The following STAMBPL1 variants were observed in gnomAD, a reference collection of about 807,000 sequenced individuals.
STAMBPL1 encodes AMSH-like protease.
STAMBPL1 carries 44 observed loss-of-function variants against 52.9 expected under a neutral mutation model. The observed-to-expected ratio is 0.83, with a 90% CI of 0.65 to 1.07. The LOEUF (loss-of-function observed/expected upper bound fraction) is 1.07, where lower values mean the gene tolerates loss of function less well. Ranked by LOEUF, STAMBPL1 falls within the 50% of genes least tolerant of loss-of-function variation. The pLI is 0.00. For synonymous variants in STAMBPL1, 164 were observed against 177.3 expected (o/e 0.92, Z 0.60); for missense variants, 511 against 520.8 (o/e 0.98, Z 0.18).
chr10:88,912,946 G>GTTA, intron 5 of STAMBPL1, 155 bp from the exon 6 acceptor site: 1 of 699,872 alleles, frequency 1.4e-6, no homozygotes, highest in Non-Finnish European at 2.5e-6. Context: ...TTGCCCTGAT[G>GTTA]TTATGTATTT....
chr10:88,893,672 C>T (rs1483053919), intron 1 of STAMBPL1, among the ~76,000 whole-genome samples: 2 of 151,750 alleles, frequency 1.3e-5, no homozygotes, highest in Admixed American at 6.6e-5. Flanking sequence ...ACCTAGGAAG[C>T]GGAGGTTGCA....
intron 8 of STAMBPL1, among the ~76,000 whole-genome samples, chr10:88,920,292 T>C (rs984282794): frequency 6.6e-6 from 1 of 152,244 alleles, no homozygotes; most frequent in Admixed American, 6.5e-5. Context: ...TAATGACTTT[T>C]ATTTCTATGC....
chr10:88,910,944 C>T lies in STAMBPL1; in HGVS notation c.353C>T (p.Thr118Ile). 6.3e-7 allele frequency: 1 copy of T among 1,596,538 alleles called. No individual in the cohort carries two copies. The highest frequency in any genetic ancestry group is 8.5e-7 in the Non-Finnish European group (1 of 1,174,336). The change falls in exon 5 of 11, where the codon ACA (threonine) becomes ATA (isoleucine). Residue 118 changes from threonine (T) to isoleucine (I), a missense_variant. Physicochemically the swap from Thr to Ile is moderately conservative, Grantham distance 89. This residue lies in a region of STAMBPL1 where 358 missense variants were observed against 343.5 expected (regional missense o/e 1.04). Coordinates refer to ENST00000371926, the MANE Select transcript of STAMBPL1 (RefSeq NM_020799.4). ...CTGAAGGAGATTGCATTCCCAAGGA[C>T]AGATGAATTGAAAAACGACCTTTTA... ...KKLKEIAFPR[T>I]DELKNDLLKK...
chr10:88,911,388 G>T (rs1490114471), intron 5 of STAMBPL1, among the ~76,000 whole-genome samples: 1 of 152,198 alleles, frequency 6.6e-6, no homozygotes, highest in Non-Finnish European at 1.5e-5. Context: ...GCCTAATGAT[G>T]TAGGCCTTAG....
Position 88,905,648 on chromosome 10 carries a change from A to G in STAMBPL1, c.236A>G (p.Asn79Ser). 6.2e-7 allele frequency: 1 copy of G among 1,613,386 alleles called. No homozygotes were observed. The highest frequency in any genetic ancestry group is 1.3e-5 in the African/African-American group (1 of 75,018). The change falls in exon 3 of 11, where the codon AAT becomes AGT. Residue 79 changes from asparagine to serine, a missense_variant. Transcript: ENST00000371926. ...TTGGAAAATGCCTTTGTTCTTTATA[A>G]TAAATTTATAACGTAAGTGTTTTAA... ...GNLENAFVLY[N>S]KFITLFVEKL... is the part of the protein sequence containing the mutation.
At position 88,923,257 on chromosome 10, in the gene STAMBPL1, A is replaced by G. The variant is rs1263671236; in HGVS notation, c.*33A>G. 1.9e-6 allele frequency: 3 copies of G among 1,572,188 alleles called. No homozygotes were observed. The highest frequency in any genetic ancestry group is 2.8e-5 in the African/African-American group (2 of 72,478). ...TGAATGTAAGCACCGTCAACATCAG[A>G]CACCTACTCATGGACATGTGGTTGC... On this transcript the variant is annotated 3_prime_UTR_variant, in exon 11 of 11. Coordinates refer to ENST00000371926, the MANE Select transcript of STAMBPL1 (RefSeq NM_020799.4).
chr10:88,907,066 C>T (rs889118768), intron 3 of STAMBPL1, among the ~76,000 whole-genome samples: 1 of 152,058 alleles, frequency 6.6e-6, no homozygotes, highest in East Asian at 1.9e-4. Context: ...CTACTCTCTG[C>T]CCCCCTGTGA....
intron 8 of STAMBPL1, among the ~76,000 whole-genome samples, chr10:88,917,350 G>A (rs960781187): frequency 2.0e-5 from 3 of 152,102 alleles, no homozygotes; most frequent in Non-Finnish European, 4.4e-5. Context: ...TGGGATCACT[G>A]TACAAACAGC....
intron 1 of STAMBPL1, chr10:88,882,514 A>G (rs866036630): frequency 6.6e-6 from 1 of 152,210 alleles, no homozygotes; most frequent in Non-Finnish European, 1.5e-5. Context: ...ATGAGATTGC[A>G]TTTTACAAGA....
intron 6 of STAMBPL1, among the ~76,000 whole-genome samples, 182 bp from the exon 7 acceptor site, chr10:88,914,352 T>G (rs563690477): frequency 6.6e-6 from 1 of 152,294 alleles, no homozygotes; most frequent in South Asian, 2.1e-4. Flanking sequence ...ATATACATAA[T>G]TTAATTTTAC....
chr10:88,891,221 A>T (rs1191583130), intron 1 of STAMBPL1, among the ~76,000 whole-genome samples: 3 of 152,210 alleles, frequency 2.0e-5, no homozygotes, highest in Non-Finnish European at 4.4e-5. Context: ...CAGTAGACAT[A>T]TTTTAAAATT....
At chr10:88,895,187 G>A (rs1401863018) in intron 1 of STAMBPL1, among the ~76,000 whole-genome samples, 1 of 152,176 alleles carries the variant, frequency 6.6e-6, no homozygotes, top group African/African-American at 2.4e-5. Flanking sequence ...AAACTTATGT[G>A]AAGTCACATG....
At chr10:88,896,981 T>C (rs1335881354) in intron 1 of STAMBPL1, among the ~76,000 whole-genome samples, 3 of 152,130 alleles carry the variant, frequency 2.0e-5, no homozygotes. Flanking sequence ...CATTCTTGCA[T>C]TGTTTGCTGC....
At chr10:88,895,363 C>CT (rs1844786458) in intron 1 of STAMBPL1, among the ~76,000 whole-genome samples, 1 of 152,232 alleles carries the variant, frequency 6.6e-6, no homozygotes, top group East Asian at 1.9e-4. Context: ...GAGAAAGTGA[C>CT]TATCTCTAGT....
intron 7 of STAMBPL1, among the ~76,000 whole-genome samples, chr10:88,916,477 A>G (rs1195433846): frequency 1.3e-5 from 2 of 149,596 alleles, no homozygotes; most frequent in Admixed American, 6.6e-5. Context: ...TTGGCAAAGA[A>G]TCCATTTTTA....
At chr10:88,912,430 T>C (rs1845249700) in intron 5 of STAMBPL1, 1 of 152,212 alleles carries the variant, frequency 6.6e-6, no homozygotes, top group Non-Finnish European at 1.5e-5. Context: ...TTAGCAAAAC[T>C]CTGGGTTAGT....
At chr10:88,891,195 T>C (rs115711939) in intron 1 of STAMBPL1, among the ~76,000 whole-genome samples, 200 of 152,286 alleles carry the variant, frequency 1.3e-3, no homozygotes, top group African/African-American at 4.5e-3. Context: ...ACCACAGAAG[T>C]ACCAGAAGAA....
At position 88,903,303 on chromosome 10, in the gene STAMBPL1, A is replaced by T. The variant is rs866897649; in HGVS notation, c.30+1565A>T. Among the ~76,000 whole-genome samples, 64 of 136,916 alleles carry T rather than the reference A, an allele frequency of 4.7e-4. 2 individuals are homozygous for T. Among genetic ancestry groups the T allele is most frequent in the Middle Eastern group, 3.5e-3 (1 of 284 alleles). The allele number at this position is 136,916 out of a possible 152,430, so 89.8% of individuals were successfully genotyped here. On this transcript the variant is annotated intron_variant, in intron 2 of 10. Transcript: ENST00000371926. ...TCAATCTAATTTTCATTTTCAGGGA[A>T]AAAAAACTAATTATAATCTCTTGTT...
intron 2 of STAMBPL1, among the ~76,000 whole-genome samples, chr10:88,902,800 A>T (rs1400910822): frequency 6.6e-6 from 1 of 152,056 alleles, no homozygotes; most frequent in Non-Finnish European, 1.5e-5. Context: ...CCATCTCCTG[A>T]CCTCGTGATC....
Sources: gnomAD v4.1 joint callset for allele counts (sites outside exome capture counted in the v4.1 genomes callset) on GRCh38, gnomAD v4.1.1 for gene constraint, gnomAD v4.1.1 regional missense constraint, MANE v1.5 for transcripts, NCBI Gene and HGNC (gene_info 2026-07-23, HGNC 2026-07-21) for gene names.